Variants in CLOCK observed in about 807,000 individuals in gnomAD.
CLOCK encodes the protein clock circadian regulator.
Under a neutral mutation model 118.4 loss-of-function variants are expected in CLOCK, and 43 were observed. The ratio of observed to expected loss-of-function variants is 0.36; its 90% CI spans 0.28 to 0.47. CLOCK has a LOEUF of 0.47. CLOCK is among the 20% of genes least tolerant of loss of function. The pLI is 1.00. For missense variants in CLOCK, 846 were observed against 999.9 expected (o/e 0.85, Z 2.08); for synonymous variants, 326 against 339.2 (o/e 0.96, Z 0.43).
In CLOCK at chr4:55,438,636, A is replaced by C. The variant is rs1723091454; in HGVS notation, c.2106-99T>G. ...TACTTACCTAAGATAATACCCAATG[A>C]CATTGCCAGTTTGTTTTTCAAGGTC... On this transcript the variant is annotated intron_variant, in intron 21 of 22. Coordinates refer to ENST00000513440, the MANE Select transcript of CLOCK (RefSeq NM_004898.4). 5 of 1,561,688 alleles carry C rather than the reference A, an allele frequency of 3.2e-6. No homozygotes were observed. In the African/African-American group the frequency reaches 4.1e-5, roughly 13 times the overall value.
At chr4:55,460,317 T>C (rs368083057) in intron 9 of CLOCK, among the ~76,000 whole-genome samples, 1 of 152,222 alleles carries the variant, frequency 6.6e-6, no homozygotes, top group East Asian at 1.9e-4. Context: ...TAAATCTCTC[T>C]CTCCAACTCT....
chr4:55,500,259 C>T (rs1217695885), intron 2 of CLOCK, among the ~76,000 whole-genome samples: 1 of 152,028 alleles, frequency 6.6e-6, no homozygotes, highest in Non-Finnish European at 1.5e-5. Flanking sequence ...CTCAGTTTGC[C>T]TATTACTGTT....
intron 8 of CLOCK, among the ~76,000 whole-genome samples, chr4:55,465,200 T>C (rs142978893): frequency 8.5e-4 from 130 of 152,300 alleles, no homozygotes; most frequent in African/African-American, 2.9e-3. Flanking sequence ...CTAAACACTA[T>C]AGTATAACAC....
At chr4:55,485,533 G>A (rs1727244912) in intron 3 of CLOCK, among the ~76,000 whole-genome samples, 2 of 152,246 alleles carry the variant, frequency 1.3e-5, no homozygotes, top group Middle Eastern at 3.4e-3. Flanking sequence ...AGTCACACTT[G>A]TCCATGCTGT....
intron 1 of CLOCK, among the ~76,000 whole-genome samples, chr4:55,523,278 G>A (rs1248169517): frequency 6.6e-6 from 1 of 152,102 alleles, no homozygotes; most frequent in African/African-American, 2.4e-5. Context: ...CAGCCTGGGA[G>A]ACAGACCCAG....
chr4:55,520,022 T>G (rs1293748430), intron 1 of CLOCK, among the ~76,000 whole-genome samples: 1 of 152,146 alleles, frequency 6.6e-6, no homozygotes, highest in Non-Finnish European at 1.5e-5. Context: ...CTGCAAAGGT[T>G]GCATATTTAG....
Position 55,459,064 on chromosome 4 carries a change from C to T in CLOCK, c.674-54G>A, listed in dbSNP as rs573175010. The T allele has an allele frequency of 2.4e-5, 36 of 1,490,496 alleles. 1 individual carries two copies. The Admixed American group carries it at 4.2e-4, about 17-fold the overall frequency. 92.3% of individuals were successfully genotyped at this position (1,490,496 alleles called of 1,614,324 possible). On this transcript the variant is annotated intron_variant, in intron 10 of 22. Transcript: ENST00000513440. Reference sequence around the variant, plus strand: ...AGTTATGCCAGCAAAACCTAATTGTCACTGATATTCAAACATCTATGTCTT... The same window carrying T: ...AGTTATGCCAGCAAAACCTAATTGTTACTGATATTCAAACATCTATGTCTT...
In CLOCK at chr4:55,479,630, A is replaced by C. The variant is rs780081103; in HGVS notation, c.107+10T>G. ...ATTCATTTACTATTTTATATCTCTAATCAAACTACCTTTTCGCTTTGTCCT... is the reference window on the plus strand; with the variant it reads ...ATTCATTTACTATTTTATATCTCTACTCAAACTACCTTTTCGCTTTGTCCT... On this transcript the variant is annotated intron_variant, in intron 5 of 22. Transcript: ENST00000513440. The C allele has an allele frequency of 3.1e-6, 5 of 1,600,794 alleles. No individual in the cohort carries two copies. Among genetic ancestry groups the C allele is most frequent in the Non-Finnish European group, 4.3e-6 (5 of 1,168,674 alleles).
chr4:55,520,308 C>CAGT, intron 1 of CLOCK, among the ~76,000 whole-genome samples: 1 of 152,320 alleles, frequency 6.6e-6, no homozygotes, highest in East Asian at 1.9e-4. Flanking sequence ...AAAACCTTGA[C>CAGT]TTCTATGAGC....
chr4:55,519,248 G>A (rs1729705584), intron 1 of CLOCK, among the ~76,000 whole-genome samples: 1 of 152,064 alleles, frequency 6.6e-6, no homozygotes, highest in Non-Finnish European at 1.5e-5. Flanking sequence ...GTAAAGACAA[G>A]GTCTCACTAT....
intron 2 of CLOCK, among the ~76,000 whole-genome samples, chr4:55,503,475 G>A (rs577409514): frequency 2.0e-5 from 3 of 152,256 alleles, no homozygotes; most frequent in South Asian, 2.1e-4. Context: ...AGGCTCCTGG[G>A]TTGACGAAAA....
intron 2 of CLOCK, among the ~76,000 whole-genome samples, chr4:55,489,856 T>C (rs939206609): frequency 2.0e-5 from 3 of 152,160 alleles, no homozygotes; most frequent in African/African-American, 4.8e-5. Context: ...GGTGTTTTTA[T>C]ATATAAGCCC....
intron 1 of CLOCK, among the ~76,000 whole-genome samples, chr4:55,525,099 T>G (rs1730092750): frequency 6.6e-6 from 1 of 152,208 alleles, no homozygotes; most frequent in Non-Finnish European, 1.5e-5. Context: ...GAAACAAGTC[T>G]TAGAATGATG....
At chr4:55,544,213 T>C (rs1057055506) in intron 1 of CLOCK, among the ~76,000 whole-genome samples, 3 of 151,854 alleles carry the variant, frequency 2.0e-5, no homozygotes, top group South Asian at 4.2e-4. Context: ...AATTTACCTT[T>C]CACTGGGGTT....
At chr4:55,517,770 T>C (rs1487351688) in intron 1 of CLOCK, among the ~76,000 whole-genome samples, 1 of 152,100 alleles carries the variant, frequency 6.6e-6, no homozygotes, top group Non-Finnish European at 1.5e-5. Context: ...ACAAAATCAA[T>C]TTGCTTAATG....
In CLOCK at chr4:55,432,388, T is replaced by G. The variant is rs1253836905; in HGVS notation, c.*3027A>C. 6.6e-6 allele frequency: 1 copy of G among 151,950 alleles called. No individual in the cohort carries two copies. The highest frequency in any genetic ancestry group is 2.4e-5 in the African/African-American group (1 of 41,384). The allele number at this position is 151,950 out of a possible 1,614,324, so 9.4% of individuals were successfully genotyped here. A position where few individuals can be genotyped will look rare whatever the true frequency, so the allele number is the denominator to read the frequency against. On this transcript the variant is annotated 3_prime_UTR_variant, in exon 23 of 23. Transcript: ENST00000513440. The stretch of plus-strand genomic sequence containing the variant: ...CGGTAACTGCAGAGTAGCTAGCATT[T>G]TTCCTGAAACTCAGTAGTTTCTTAC...
intron 17 of CLOCK, 92 bp from the exon 18 acceptor site, chr4:55,448,960 A>G: frequency 9.8e-7 from 1 of 1,024,534 alleles, no homozygotes; most frequent in South Asian, 1.3e-5. Context: ...TCGTATTAAT[A>G]AACTTACCAT....
At chr4:55,535,977 GC>G (rs2110101653) in intron 1 of CLOCK, among the ~76,000 whole-genome samples, 1 of 152,206 alleles carries the variant, frequency 6.6e-6, no homozygotes, top group African/African-American at 2.4e-5. Flanking sequence ...GAACACAGAA[GC>G]CAGGACAGCT....
chr4:55,447,695 CTAA>C (rs1214280603), intron 18 of CLOCK, among the ~76,000 whole-genome samples: 2 of 152,106 alleles, frequency 1.3e-5, no homozygotes, highest in Non-Finnish European at 2.9e-5. Flanking sequence ...GATTAAAAAA[CTAA>C]TAATATAGAA....
Sources: gnomAD v4.1 joint callset for allele counts (sites outside exome capture counted in the v4.1 genomes callset) on GRCh38, gnomAD v4.1.1 for gene constraint, MANE v1.5 for transcripts, NCBI Gene and HGNC (gene_info 2026-07-23, HGNC 2026-07-21) for gene names.